Variants in KCNJ12 observed in about 807,000 individuals in gnomAD.
KCNJ12 encodes the protein ATP-sensitive inward rectifier potassium channel 12.
KCNJ12 carries 2 observed loss-of-function variants against 22.3 expected under a neutral mutation model. The ratio of observed to expected loss-of-function variants is 0.09; its 90% CI spans 0.04 to 0.28. The LOEUF is 0.28. Among genes scored for constraint, KCNJ12 ranks in the 10% least tolerant of loss-of-function variants. KCNJ12 has a pLI of 1.00. For missense variants in KCNJ12, 155 were observed against 633.3 expected, an observed-to-expected ratio of 0.24 and a Z score of 8.11; for synonymous variants, 117 against 261.4, an observed-to-expected ratio of 0.45 and a Z score of 5.33.
At chr17:21,392,781 T>A (rs558522334) in intron 1 of KCNJ12, among the ~76,000 whole-genome samples, 1 of 152,080 alleles carries the variant, frequency 6.6e-6, no homozygotes, top group Non-Finnish European at 1.5e-5. Flanking sequence ...AGGTGGATGG[T>A]GGAGACAGGT....
At chr17:21,409,795 A>G (rs1906216479) in intron 2 of KCNJ12, among the ~76,000 whole-genome samples, 1 of 152,266 alleles carries the variant, frequency 6.6e-6, no homozygotes, top group African/African-American at 2.4e-5. Flanking sequence ...CCACCACCCC[A>G]TGCCCTGCAC....
chr17:21,390,206 G>A (rs1425847385), intron 1 of KCNJ12, among the ~76,000 whole-genome samples: 2 of 152,066 alleles, frequency 1.3e-5, no homozygotes, highest in Admixed American at 1.3e-4. Context: ...CACCCACAGG[G>A]CCCACCCCTC....
intron 1 of KCNJ12, among the ~76,000 whole-genome samples, chr17:21,399,868 AAAAGAAAC>A (rs1905510846): frequency 6.6e-6 from 1 of 152,200 alleles, no homozygotes; most frequent in African/African-American, 2.4e-5. Flanking sequence ...TGCCTCTATC[AAAAGAAAC>A]TGGTGTGAAT....
intron 1 of KCNJ12, among the ~76,000 whole-genome samples, chr17:21,387,919 C>T (rs1905117985): frequency 6.6e-6 from 1 of 152,138 alleles, no homozygotes; most frequent in Non-Finnish European, 1.5e-5. Flanking sequence ...GCTGTGCCCC[C>T]CGAGGGTCGT....
At position 21,415,289 on chromosome 17, in the gene KCNJ12, G is replaced by T. The variant is rs2142079805; in HGVS notation, c.-54G>T. The T allele has an allele frequency of 6.4e-7, 1 of 1,572,646 alleles. No individual in the cohort carries two copies. The highest frequency in any genetic ancestry group is 8.6e-7 in the Non-Finnish European group (1 of 1,166,672). On this transcript the variant is annotated splice_region_variant and 5_prime_UTR_variant, in exon 3 of 3. Coordinates refer to ENST00000583088, the MANE Select transcript of KCNJ12 (RefSeq NM_021012.5). Reference sequence around the variant, plus strand: ...ACATGCTGTCGTCTCTGTTGCAGGAGCCGCCCTGCCTGGAGCTAGCCTGGG... The same window carrying T: ...ACATGCTGTCGTCTCTGTTGCAGGATCCGCCCTGCCTGGAGCTAGCCTGGG...
intron 1 of KCNJ12, among the ~76,000 whole-genome samples, chr17:21,378,463 GCA>G (rs1336524445): frequency 2.6e-5 from 4 of 152,178 alleles, no homozygotes; most frequent in African/African-American, 9.7e-5. Context: ...CCCGAGGTTG[GCA>G]GCTCTAGGAG....
intron 1 of KCNJ12, among the ~76,000 whole-genome samples, chr17:21,383,842 G>A (rs1904973472): frequency 1.3e-5 from 2 of 152,232 alleles, no homozygotes; most frequent in Admixed American, 6.5e-5. Flanking sequence ...TGACATCTCA[G>A]TGGGTGGGGC....
chr17:21,395,792 C>T (rs575012519), intron 1 of KCNJ12, among the ~76,000 whole-genome samples: 6 of 152,266 alleles, frequency 3.9e-5, no homozygotes, highest in Admixed American at 2.0e-4. Flanking sequence ...GGTCTTACCA[C>T]GACTGAGTGG....
intron 1 of KCNJ12, among the ~76,000 whole-genome samples, chr17:21,396,241 A>G (rs1488535372): frequency 1.3e-5 from 2 of 152,068 alleles, no homozygotes; most frequent in African/African-American, 2.4e-5. Flanking sequence ...TGCTTTTCCT[A>G]CAACCTTGAG....
At chr17:21,385,316 A>T (rs1370948537) in intron 1 of KCNJ12, among the ~76,000 whole-genome samples, 1 of 152,104 alleles carries the variant, frequency 6.6e-6, no homozygotes, top group African/African-American at 2.4e-5. Flanking sequence ...TATGAGCCTC[A>T]CTTTCCATGT....
intron 1 of KCNJ12, among the ~76,000 whole-genome samples, chr17:21,385,553 G>C (rs1905044861): frequency 6.6e-6 from 1 of 152,224 alleles, no homozygotes; most frequent in Non-Finnish European, 1.5e-5. Context: ...GGCCCTGGGA[G>C]CCTTGAAGAC....
intron 1 of KCNJ12, among the ~76,000 whole-genome samples, chr17:21,388,864 G>A (rs531962856): frequency 3.0e-4 from 45 of 151,894 alleles, no homozygotes; most frequent in Admixed American, 2.0e-3. Context: ...GCCCCGCTGG[G>A]CCCCCCCCGA....
rs1904996548 is a variant in KCNJ12 at position 21,384,255 on chromosome 17, G to T, written c.-179+7342G>T. On this transcript the variant is annotated intron_variant, in intron 1 of 2. Transcript: ENST00000583088. The stretch of plus-strand genomic sequence containing the variant: ...GGTCTCATCCTGTCGTCCTGGGCAT[G>T]GATTGAGGGCTGAGTCTTGGGACTG... Among the ~76,000 whole-genome samples, 2 of 152,190 alleles carry T rather than the reference G, an allele frequency of 1.3e-5. 1 individual carries two copies. Among genetic ancestry groups the T allele is most frequent in the South Asian group, 4.1e-4 (2 of 4,834 alleles).
chr17:21,412,043 C>T (rs934702), intron 2 of KCNJ12, among the ~76,000 whole-genome samples: 7,253 of 150,172 alleles, frequency 0.048, no homozygotes, highest in African/African-American at 0.14. Flanking sequence ...CACACACACA[C>T]GCACACACGG....
chr17:21,412,633 C>T (rs79033717), intron 2 of KCNJ12, among the ~76,000 whole-genome samples: 1 of 152,182 alleles, frequency 6.6e-6, no homozygotes, highest in Non-Finnish European at 1.5e-5. Context: ...CCTCAGGGGT[C>T]CCCCCTGCTG....
chr17:21,380,994 C>T (rs1904845798), intron 1 of KCNJ12, among the ~76,000 whole-genome samples: 1 of 152,214 alleles, frequency 6.6e-6, no homozygotes, highest in South Asian at 2.1e-4. Context: ...ACCTTGGGGA[C>T]CCCCGCCCAG....
intron 2 of KCNJ12, among the ~76,000 whole-genome samples, chr17:21,409,593 G>A (rs1280819459): frequency 6.6e-6 from 1 of 152,306 alleles, no homozygotes; most frequent in African/African-American, 2.4e-5. Context: ...GCTTGCTGGG[G>A]CCCAGCCACC....
At chr17:21,410,958 G>A (rs1217632976) in intron 2 of KCNJ12, among the ~76,000 whole-genome samples, 1 of 152,310 alleles carries the variant, frequency 6.6e-6, no homozygotes, top group African/African-American at 2.4e-5. Flanking sequence ...CTGTGTTCGT[G>A]CCTCGTGAGG....
At chr17:21,384,623 C>T (rs1905010231) in intron 1 of KCNJ12, among the ~76,000 whole-genome samples, 1 of 152,146 alleles carries the variant, frequency 6.6e-6, no homozygotes. Flanking sequence ...GCTGCTCCCA[C>T]TGGGGTCCTT....
Sources: allele counts gnomAD v4.1 joint callset (sites outside exome capture counted in the v4.1 genomes callset), GRCh38; gene constraint gnomAD v4.1.1; transcripts MANE v1.5; gene names NCBI Gene and HGNC (gene_info 2026-07-23, HGNC 2026-07-21).